The following ATXN7 variants were observed in gnomAD, a reference collection of about 807,000 sequenced individuals.
ATXN7 encodes ataxin-7.
ATXN7 carries 12 observed loss-of-function variants against 70.5 expected under a neutral mutation model. The observed-to-expected ratio is 0.17, with a 90% CI of 0.11 to 0.28. The LOEUF (loss-of-function observed/expected upper bound fraction) is 0.28. Among genes scored for constraint, ATXN7 ranks in the 10% least tolerant of loss-of-function variants. The pLI is 1.00. For missense variants in ATXN7, 1,256 were observed against 1,131.7 expected (o/e 1.11, Z -1.58); for synonymous variants, 498 against 448.7 (o/e 1.11, Z -1.39).
intron 1 of ATXN7, among the ~76,000 whole-genome samples, chr3:63,890,646 G>A (rs965953197): frequency 6.6e-6 from 1 of 152,202 alleles, no homozygotes. Flanking sequence ...CTACTACTTA[G>A]TATACCTTCA....
At chr3:63,935,571 T>A (rs2074645680) in intron 4 of ATXN7, among the ~76,000 whole-genome samples, 1 of 152,202 alleles carries the variant, frequency 6.6e-6, no homozygotes, top group Non-Finnish European at 1.5e-5. Context: ...GCTATAATAC[T>A]GTGCCTTTTT....
intron 1 of ATXN7, among the ~76,000 whole-genome samples, chr3:63,870,172 C>A (rs1295320914): frequency 2.0e-5 from 3 of 152,148 alleles, no homozygotes; most frequent in Admixed American, 2.0e-4. Flanking sequence ...TGACTGTGTT[C>A]CAAGAAATGT....
At chr3:63,896,776 C>T (rs1298786884) in intron 1 of ATXN7, among the ~76,000 whole-genome samples, 2 of 152,108 alleles carry the variant, frequency 1.3e-5, no homozygotes, top group African/African-American at 4.8e-5. Flanking sequence ...AATTGGATTT[C>T]CTATAAAGCA....
chr3:63,940,068 T>C (rs531772046), intron 4 of ATXN7, among the ~76,000 whole-genome samples: 2 of 152,096 alleles, frequency 1.3e-5, no homozygotes, highest in Non-Finnish European at 2.9e-5. Context: ...TAGGAAACAC[T>C]GGGGAATGAG....
chr3:63,931,362 G>T (rs549771449), intron 4 of ATXN7, among the ~76,000 whole-genome samples: 2 of 152,274 alleles, frequency 1.3e-5, no homozygotes, highest in South Asian at 4.1e-4. Flanking sequence ...ACCCCAAGTT[G>T]TATTATAACT....
In ATXN7 at chr3:63,930,144, CT is replaced by C. The variant is rs558685816; in HGVS notation, c.394+16922del. 2.7e-3 allele frequency among the ~76,000 whole-genome samples: 415 copies of C among 152,260 alleles called. 3 individuals are homozygous for C. The highest frequency in any genetic ancestry group is 9.0e-3 in the African/African-American group (372 of 41,548). ...AATGGTTCTGAAATAGTGCCGAGGA[CT>C]TTGAGAGGTCAGGCTTTAATGCTTG... On this transcript the variant is annotated intron_variant, in intron 4 of 12. Coordinates refer to ENST00000674280, the MANE Select transcript of ATXN7 (RefSeq NM_001377405.1).
rs551010730 is a variant in ATXN7, at chr3:63,958,122, G to A, written c.499+5639G>A. On this transcript the variant is annotated intron_variant, in intron 5 of 12. Coordinates refer to ENST00000674280, the MANE Select transcript of ATXN7 (RefSeq NM_001377405.1). ...GCTTTTTCATGACTTTATGAACGTA[G>A]TTTTAGTAGAAACACTCCTGTGATC... Among the ~76,000 whole-genome samples, 6 of 152,266 alleles carry A rather than the reference G, an allele frequency of 3.9e-5. No individual in the cohort carries two copies. The South Asian group carries it at 8.3e-4, about 21-fold the overall frequency.
chr3:63,933,435 G>C (rs2074594446), intron 4 of ATXN7, among the ~76,000 whole-genome samples: 1 of 152,166 alleles, frequency 6.6e-6, no homozygotes, highest in Admixed American at 6.5e-5. Context: ...TCCAGCATCT[G>C]AAAGTACCTA....
Position 63,891,699 on chromosome 3 carries a change from G to A in ATXN7, c.-110-6700G>A, listed in dbSNP as rs565999639. 2.0e-4 allele frequency among the ~76,000 whole-genome samples: 31 copies of A among 152,244 alleles called. No homozygotes were observed. In the East Asian group the frequency reaches 5.6e-3, roughly 28 times the overall value. On this transcript the variant is annotated intron_variant, in intron 1 of 12. Coordinates refer to ENST00000674280, the MANE Select transcript of ATXN7 (RefSeq NM_001377405.1). ...CTGCAATGAATATTGGGAAATTTAGGCAAACTATGTGCTCAGGCAGAGAAT... is the reference window on the plus strand; with the variant it reads ...CTGCAATGAATATTGGGAAATTTAGACAAACTATGTGCTCAGGCAGAGAAT...
chr3:63,976,884 A>G (rs2075397406), intron 5 of ATXN7, among the ~76,000 whole-genome samples: 1 of 152,240 alleles, frequency 6.6e-6, no homozygotes, highest in Non-Finnish European at 1.5e-5. Context: ...GCACAGTCTT[A>G]CAAATGTTAA....
At chr3:63,967,729 T>G (rs2075249689) in intron 5 of ATXN7, 3 of 1,374,878 alleles carry the variant, frequency 2.2e-6, no homozygotes, top group Admixed American at 3.0e-5. Context: ...TAGATGAAAT[T>G]AGACTCCACC....
intron 11 of ATXN7, 71 bp downstream of exon 11, chr3:63,990,930 G>C: frequency 6.2e-7 from 1 of 1,603,106 alleles, no homozygotes; most frequent in South Asian, 1.1e-5. Context: ...TTTCCTGTGA[G>C]ACTGATGTTA....
At chr3:63,959,427 C>T (rs929452554) in intron 5 of ATXN7, among the ~76,000 whole-genome samples, 1 of 152,174 alleles carries the variant, frequency 6.6e-6, no homozygotes, top group South Asian at 2.1e-4. Context: ...TAGTTTAACT[C>T]TGGAAGGAAA....
intron 5 of ATXN7, among the ~76,000 whole-genome samples, chr3:63,960,706 G>A (rs2075114884): frequency 6.6e-6 from 1 of 152,136 alleles, no homozygotes; most frequent in Admixed American, 6.5e-5. Flanking sequence ...TCAGGAGGTT[G>A]TTCTTTCAGT....
chr3:63,982,480 C>A, intron 7 of ATXN7, 35 bp downstream of exon 7: 1 of 1,520,502 alleles, frequency 6.6e-7, no homozygotes. Context: ...TAATGCTTCT[C>A]TATATATTAA....
At chr3:63,954,680 T>C (rs1413242933) in intron 5 of ATXN7, among the ~76,000 whole-genome samples, 1 of 151,720 alleles carries the variant, frequency 6.6e-6, no homozygotes, top group East Asian at 1.9e-4. Context: ...AGAATATCAG[T>C]GTACGGGTAG....
At chr3:63,940,326 C>T (rs977361727) in intron 4 of ATXN7, among the ~76,000 whole-genome samples, 6 of 149,730 alleles carry the variant, frequency 4.0e-5, no homozygotes, top group Non-Finnish European at 6.0e-5. Flanking sequence ...CACACACACA[C>T]AGCCCCTCAG....
At chr3:63,984,210 T>TA (rs530652733) in intron 8 of ATXN7, among the ~76,000 whole-genome samples, 7,696 of 144,838 alleles carry the variant, frequency 0.053, 236 homozygotes, top group African/African-American at 0.089. Context: ...ATCTCATTTT[T>TA]AAAAAAAAAA....
intron 6 of ATXN7, among the ~76,000 whole-genome samples, chr3:63,981,909 G>C (rs1299266605): frequency 6.6e-6 from 1 of 152,136 alleles, no homozygotes; most frequent in African/African-American, 2.4e-5. Context: ...TTGGGTATCA[G>C]GTCTGAGTTT....
Sources: gnomAD v4.1 joint callset for allele counts (sites outside exome capture counted in the v4.1 genomes callset) on GRCh38, gnomAD v4.1.1 for gene constraint, MANE v1.5 for transcripts, NCBI Gene and HGNC (gene_info 2026-07-23, HGNC 2026-07-21) for gene names.